ZHX2: variants seen among roughly 807,000 people sequenced by gnomAD.
ZHX2 encodes the protein zinc fingers and homeoboxes protein 2.
Under a neutral mutation model 21.9 loss-of-function variants are expected in ZHX2, and 6 were observed. The ratio of observed to expected loss-of-function variants is 0.27; its 90% CI spans 0.15 to 0.54. ZHX2 has a LOEUF of 0.54. Among genes scored for constraint, ZHX2 ranks in the 20% least tolerant of loss-of-function variants. ZHX2 has a pLI of 0.95. For missense variants in ZHX2, 908 were observed against 1,090.7 expected (o/e 0.83, Z 2.36); for synonymous variants, 434 against 437.1 (o/e 0.99, Z 0.09).
intron 2 of ZHX2, among the ~76,000 whole-genome samples, chr8:122,902,950 G>GGATAA (rs1293503546): frequency 1.3e-5 from 2 of 152,122 alleles, no homozygotes; most frequent in Non-Finnish European, 2.9e-5. Context: ...CCTCCTGGGT[G>GGATAA]AGCACAGAAT....
intron 2 of ZHX2, among the ~76,000 whole-genome samples, chr8:122,914,119 C>T (rs1406407416): frequency 6.6e-6 from 1 of 152,234 alleles, no homozygotes; most frequent in Non-Finnish European, 1.5e-5. Context: ...TCGTCATATT[C>T]CAAGTACCTA....
At chr8:122,918,264 A>G (rs1295627268) in intron 2 of ZHX2, among the ~76,000 whole-genome samples, 1 of 152,198 alleles carries the variant, frequency 6.6e-6, no homozygotes, top group Non-Finnish European at 1.5e-5. Flanking sequence ...CAATCGTTCA[A>G]CATTTTTATT....
At chr8:122,795,365 G>A (rs2130551074) in intron 1 of ZHX2, among the ~76,000 whole-genome samples, 1 of 152,354 alleles carries the variant, frequency 6.6e-6, no homozygotes, top group South Asian at 2.1e-4. Context: ...CTGCCTCCCT[G>A]GCCTAGCCCT....
chr8:122,824,402 G>C (rs558791420), intron 1 of ZHX2, among the ~76,000 whole-genome samples: 1 of 152,288 alleles, frequency 6.6e-6, no homozygotes, highest in African/African-American at 2.4e-5. Flanking sequence ...TGCATGGAGA[G>C]ATATTGTCCA....
chr8:122,972,971 T>C (rs1301833315), intron 3 of ZHX2, among the ~76,000 whole-genome samples: 1 of 152,186 alleles, frequency 6.6e-6, no homozygotes, highest in Non-Finnish European at 1.5e-5. Context: ...GGCCACCACC[T>C]TCACTTGCCC....
chr8:122,944,692 G>T (rs1812926093), intron 2 of ZHX2, among the ~76,000 whole-genome samples: 1 of 152,170 alleles, frequency 6.6e-6, no homozygotes, highest in Non-Finnish European at 1.5e-5. Flanking sequence ...GGCACCACTA[G>T]GTGCTCTGTC....
chr8:122,924,387 A>G (rs1258493007), intron 2 of ZHX2, among the ~76,000 whole-genome samples: 2 of 152,136 alleles, frequency 1.3e-5, no homozygotes, highest in Non-Finnish European at 2.9e-5. Context: ...GTCATATTGT[A>G]TTTGGGCTCA....
chr8:122,938,726 T>C (rs1280289171), intron 2 of ZHX2, among the ~76,000 whole-genome samples: 1 of 151,856 alleles, frequency 6.6e-6, no homozygotes, highest in Non-Finnish European at 1.5e-5. Flanking sequence ...TTGTCCAAGC[T>C]ACTCGGGAGG....
intron 2 of ZHX2, among the ~76,000 whole-genome samples, chr8:122,946,363 T>C (rs1028536696): frequency 6.6e-6 from 1 of 152,206 alleles, no homozygotes; most frequent in Non-Finnish European, 1.5e-5. Context: ...AAGAGAACCC[T>C]AATAGATTCT....
At chr8:122,826,295 T>A (rs1423745113) in intron 1 of ZHX2, among the ~76,000 whole-genome samples, 1 of 152,122 alleles carries the variant, frequency 6.6e-6, no homozygotes, top group East Asian at 1.9e-4. Context: ...CTAGTAATTG[T>A]GTGGTTTTGA....
At chr8:122,886,016 G>A (rs913561165) in intron 2 of ZHX2, among the ~76,000 whole-genome samples, 6 of 152,144 alleles carry the variant, frequency 3.9e-5, no homozygotes, top group Non-Finnish European at 8.8e-5. Flanking sequence ...AAAAAAAAGA[G>A]AAAATTATAC....
chr8:122,889,894 G>C (rs1819933441), intron 2 of ZHX2, among the ~76,000 whole-genome samples: 1 of 152,068 alleles, frequency 6.6e-6, no homozygotes, highest in Admixed American at 6.5e-5. Flanking sequence ...TGAGAGGACT[G>C]TATTTCCTCC....
At chr8:122,814,683 C>A (rs1382842224) in intron 1 of ZHX2, among the ~76,000 whole-genome samples, 1 of 152,206 alleles carries the variant, frequency 6.6e-6, no homozygotes, top group African/African-American at 2.4e-5. Context: ...TTCTCTAGCT[C>A]ATGAAAGGAG....
At chr8:122,914,524 C>A (rs1273425667) in intron 2 of ZHX2, among the ~76,000 whole-genome samples, 1 of 152,236 alleles carries the variant, frequency 6.6e-6, no homozygotes, top group Non-Finnish European at 1.5e-5. Context: ...GCTGCCAGAA[C>A]AAAATGCTCG....
intron 1 of ZHX2, chr8:122,809,022 ATGG>A (rs1198261730): frequency 1.3e-5 from 2 of 152,260 alleles, no homozygotes; most frequent in Admixed American, 6.5e-5. Context: ...CCTAACAGAG[ATGG>A]TGATAAATGC....
chr8:122,898,549 C>T (rs73711235), intron 2 of ZHX2, among the ~76,000 whole-genome samples: 7,400 of 152,254 alleles, frequency 0.049, 583 homozygotes, highest in African/African-American at 0.17. Flanking sequence ...TTCTAATTGT[C>T]TTCCCGTCTC....
intron 1 of ZHX2, among the ~76,000 whole-genome samples, chr8:122,862,679 C>T (rs1819195781): frequency 6.6e-6 from 1 of 152,194 alleles, no homozygotes; most frequent in Admixed American, 6.5e-5. Flanking sequence ...CCTTTGAAAA[C>T]AGGAATGGAT....
intron 1 of ZHX2, among the ~76,000 whole-genome samples, chr8:122,859,960 T>C (rs1179021205): frequency 6.6e-6 from 1 of 152,244 alleles, no homozygotes; most frequent in Non-Finnish European, 1.5e-5. Context: ...AAGTTCTATA[T>C]TGACATTAGT....
intron 2 of ZHX2, among the ~76,000 whole-genome samples, chr8:122,924,353 T>C (rs1172141227): frequency 6.6e-6 from 1 of 152,146 alleles, no homozygotes; most frequent in Non-Finnish European, 1.5e-5. Context: ...TGCACCCGAG[T>C]TTCCCCTTTT....
Sources: gnomAD v4.1 joint callset for allele counts (sites outside exome capture counted in the v4.1 genomes callset) on GRCh38, gnomAD v4.1.1 for gene constraint, MANE v1.5 for transcripts, NCBI Gene and HGNC (gene_info 2026-07-23, HGNC 2026-07-21) for gene names.